Variants in SLC2A9 observed in about 807,000 individuals in gnomAD.
SLC2A9 encodes solute carrier family 2 member 9.
A neutral mutation model predicts 50.6 loss-of-function variants in SLC2A9; 39 were observed. The ratio of observed to expected loss-of-function variants is 0.77; its 90% CI spans 0.60 to 1.01. The LOEUF (loss-of-function observed/expected upper bound fraction) is 1.01. SLC2A9 is among the 50% of genes least tolerant of loss of function. The pLI, the probability that SLC2A9 is intolerant of heterozygous loss-of-function variation, is 0.00. For missense variants in SLC2A9, 686 were observed against 677.6 expected, an observed-to-expected ratio of 1.01 and a Z score of -0.14; for synonymous variants, 324 against 276.9, an observed-to-expected ratio of 1.17 and a Z score of -1.69.
At chr4:9,799,060 C>T (rs1481958933), downstream of SLC2A9, 1 of 152,154 alleles carries the variant, frequency 6.6e-6, no homozygotes, top group African/African-American at 2.4e-5. Context: ...TCCTATGTTC[C>T]CTGGCTCTCA....
At chr4:9,989,343 T>G (rs560840754) in intron 3 of SLC2A9, among the ~76,000 whole-genome samples, 1 of 152,336 alleles carries the variant, frequency 6.6e-6, no homozygotes, top group South Asian at 2.1e-4. Context: ...AAGGCTCCCC[T>G]GCACTGAGTC....
intron 1 of SLC2A9, among the ~76,000 whole-genome samples, chr4:10,027,602 A>G (rs1352295518): frequency 2.0e-5 from 3 of 151,886 alleles, no homozygotes; most frequent in Admixed American, 1.3e-4. Context: ...CGGTGGTGCC[A>G]TGGAGCTTCT....
chr4:9,954,918 G>A (rs983155485), intron 5 of SLC2A9, among the ~76,000 whole-genome samples: 1 of 152,140 alleles, frequency 6.6e-6, no homozygotes, highest in Non-Finnish European at 1.5e-5. Flanking sequence ...TAAAACTGGT[G>A]ATCATAAGCT....
At chr4:9,924,392 A>C (rs1038302201) in intron 6 of SLC2A9, among the ~76,000 whole-genome samples, 1 of 152,174 alleles carries the variant, frequency 6.6e-6, no homozygotes, top group Non-Finnish European at 1.5e-5. Context: ...GGTTAAGACA[A>C]AGCTGATGTT....
intron 3 of SLC2A9, among the ~76,000 whole-genome samples, chr4:9,788,548 A>G (rs563810433): frequency 6.6e-6 from 1 of 152,090 alleles, no homozygotes; most frequent in East Asian, 1.9e-4. Context: ...GTTAATGGAT[A>G]CTATTTTGAC....
At chr4:10,028,840 C>G (rs998417883) in intron 1 of SLC2A9, among the ~76,000 whole-genome samples, 11 of 152,176 alleles carry the variant, frequency 7.2e-5, no homozygotes, top group African/African-American at 1.9e-4. Context: ...AATCACAGAA[C>G]TTCCCCCACA....
At chr4:9,801,028 A>G (rs1721333967) in intron 3 of SLC2A9, among the ~76,000 whole-genome samples, 1 of 152,108 alleles carries the variant, frequency 6.6e-6, no homozygotes, top group African/African-American at 2.4e-5. Flanking sequence ...AGAAGTGTGG[A>G]AGGCACTTGC....
chr4:9,893,902 T>C (rs988181031), intron 8 of SLC2A9, among the ~76,000 whole-genome samples: 2 of 152,224 alleles, frequency 1.3e-5, no homozygotes, highest in African/African-American at 2.4e-5. Flanking sequence ...GCGCAACACA[T>C]GTTAATCTTG....
At chr4:9,841,298 C>T (rs529432652) in intron 10 of SLC2A9, among the ~76,000 whole-genome samples, 42 of 152,248 alleles carry the variant, frequency 2.8e-4, no homozygotes, top group Middle Eastern at 3.4e-3. Context: ...TCCTATTGGC[C>T]ATCTCGTGAG....
Position 9,853,741 on chromosome 4 carries a change from G to T in SLC2A9, c.1292-18733C>A, listed in dbSNP as rs950033122. 7.3e-5 allele frequency among the ~76,000 whole-genome samples: 11 copies of T among 150,726 alleles called. No individual in the cohort carries two copies. The East Asian group carries it at 2.1e-3, about 29-fold the overall frequency. On this transcript the variant is annotated intron_variant, in intron 10 of 11. Transcript: ENST00000264784. Reference sequence around the variant, plus strand: ...TACTCCAAAATTGACCACACAATTGGCCATAAAACAATATTCAGCAAATTG... The same window carrying T: ...TACTCCAAAATTGACCACACAATTGTCCATAAAACAATATTCAGCAAATTG...
chr4:10,038,506 C>CAAAAAAAAAA (rs35698968), intron 1 of SLC2A9, among the ~76,000 whole-genome samples: 1 of 49,432 alleles, frequency 2.0e-5, no homozygotes, highest in African/African-American at 8.8e-5. Context: ...GACTCTGTCT[C>CAAAAAAAAAA]AAAAAAAAAA....
chr4:9,796,333 A>C (rs1251492156), downstream of SLC2A9, among the ~76,000 whole-genome samples: 1 of 152,170 alleles, frequency 6.6e-6, no homozygotes, highest in Non-Finnish European at 1.5e-5. Flanking sequence ...CCACAGCCCT[A>C]TCTTTCTCCA....
intron 6 of SLC2A9, among the ~76,000 whole-genome samples, chr4:9,931,517 G>A (rs1745919734): frequency 6.6e-6 from 1 of 152,128 alleles, no homozygotes; most frequent in Non-Finnish European, 1.5e-5. Flanking sequence ...CTTTGTGCGA[G>A]GTGTCTTACA....
chr4:9,799,977 G>A (rs1351048480), intron 3 of SLC2A9, among the ~76,000 whole-genome samples: 1 of 152,160 alleles, frequency 6.6e-6, no homozygotes, highest in African/African-American at 2.4e-5. Context: ...TGAAGCTTAA[G>A]GTGAAAAGAT....
At chr4:9,933,202 G>A (rs191022004) in intron 6 of SLC2A9, among the ~76,000 whole-genome samples, 2 of 152,358 alleles carry the variant, frequency 1.3e-5, no homozygotes, top group African/African-American at 4.8e-5. Context: ...GAATGTGACT[G>A]GAGGAGAGTA....
intron 7 of SLC2A9, among the ~76,000 whole-genome samples, chr4:9,914,379 C>A (rs1353979564): frequency 1.3e-5 from 2 of 152,238 alleles, no homozygotes; most frequent in Admixed American, 1.3e-4. Flanking sequence ...TCATCCACAG[C>A]CCCAAGCAAA....
intron 6 of SLC2A9, among the ~76,000 whole-genome samples, chr4:9,936,723 G>A (rs1365162508): frequency 6.6e-6 from 1 of 152,138 alleles, no homozygotes; most frequent in Non-Finnish European, 1.5e-5. Context: ...AGAAAGCAGA[G>A]GGGATGATGA....
At chr4:9,898,988 C>T (rs943467702) in intron 8 of SLC2A9, among the ~76,000 whole-genome samples, 3 of 145,868 alleles carry the variant, frequency 2.1e-5, no homozygotes, top group African/African-American at 7.5e-5. Flanking sequence ...CTCTCTCTCT[C>T]CCTCCCTCCC....
intron 10 of SLC2A9, among the ~76,000 whole-genome samples, chr4:9,886,208 C>T (rs576843708): frequency 6.6e-6 from 1 of 152,320 alleles, no homozygotes; most frequent in South Asian, 2.1e-4. Context: ...TGTCCCCAGG[C>T]TAGCATAGGG....
Sources: gnomAD v4.1 joint callset for allele counts (sites outside exome capture counted in the v4.1 genomes callset) on GRCh38, gnomAD v4.1.1 for gene constraint, MANE v1.5 for transcripts, NCBI Gene and HGNC (gene_info 2026-07-23, HGNC 2026-07-21) for gene names.